Variants in TASOR2 observed in about 807,000 individuals in gnomAD.
TASOR2 encodes protein TASOR 2.
A neutral mutation model predicts 199.5 loss-of-function variants in TASOR2; 84 were observed. That is an observed-to-expected ratio of 0.42 (90% CI 0.35 to 0.50). TASOR2 has a LOEUF of 0.50. TASOR2 is among the 20% of genes least tolerant of loss of function. The pLI is 0.02. For missense variants in TASOR2, 2,796 were observed against 2,835.9 expected (o/e 0.99, Z 0.32); for synonymous variants, 1,103 against 1,046.6 (o/e 1.05, Z -1.04).
chr10:5,747,455 T>C (rs76183460), exon 15 of TASOR2: 1 of 1,613,986 alleles, frequency 6.2e-7, no homozygotes, highest in Non-Finnish European at 8.5e-7. Flanking sequence ...AATGTGTCAG[T>C]ATATCCCTCA....
Position 5,735,298 on chromosome 10 carries a change from CATAAG to C in TASOR2, c.1205-5_1205-1del. 6.2e-7 allele frequency: 1 copy of C among 1,610,720 alleles called. No individual in the cohort carries two copies. The highest frequency in any genetic ancestry group is 1.3e-5 in the African/African-American group (1 of 74,688). ...CCTTACAAAAATGATGTCTTTTCTA[CATAAG>C]GTGCGGAAGTGCTGACTGCACAGTT... On this transcript the variant is annotated splice_acceptor_variant and splice_polypyrimidine_tract_variant and intron_variant, in intron 11 of 20. Coordinates refer to ENST00000328090, the Ensembl canonical transcript of TASOR2. LOFTEE classifies it high-confidence loss of function.
At chr10:5,707,405 G>A (rs1417417068) in intron 1 of TASOR2, among the ~76,000 whole-genome samples, 2 of 152,036 alleles carry the variant, frequency 1.3e-5, no homozygotes, top group African/African-American at 2.4e-5. Flanking sequence ...GTTTCTTTCT[G>A]TTCTGTTCCG....
In TASOR2 at chr10:5,756,876, G is replaced by GT. The variant is rs1467310263; in HGVS notation, c.6732+139dup. 8 of 861,264 alleles carry GT rather than the reference G, an allele frequency of 9.3e-6. No individual in the cohort carries two copies. In the Admixed American group the frequency reaches 1.4e-4, roughly 15 times the overall value. 53.4% of individuals were successfully genotyped at this position (861,264 alleles called of 1,614,324 possible). Reference sequence around the variant, plus strand: ...TTGGGCCTTTAAGTGGGAAGATGGTGTATTATAGAATACTGCAATATTACC... The same window carrying GT: ...TTGGGCCTTTAAGTGGGAAGATGGTGTTATTATAGAATACTGCAATATTACC... On this transcript the variant is annotated intron_variant, in intron 16 of 20. Coordinates refer to ENST00000328090, the Ensembl canonical transcript of TASOR2.
At position 5,748,204 on chromosome 10, in the gene TASOR2, A is replaced by G. The variant is rs1266151714; in HGVS notation, c.4783A>G (p.Thr1595Ala). 1.9e-6 allele frequency: 3 copies of G among 1,614,246 alleles called. No homozygotes were observed. The highest frequency in any genetic ancestry group is 2.2e-5 in the East Asian group (1 of 44,888). The change falls in exon 15 of 21, where the codon ACT (threonine) becomes GCT (alanine). Residue 1595 changes from threonine to alanine, a missense_variant. Around this residue, in one of 3 missense-constraint regions of TASOR2, gnomAD observed 1,941 missense variants for 1,924.9 expected, o/e 1.01. Transcript: ENST00000328090. This position sits in a 1 kb window ranked among gnomAD's most constrained non-coding sequence, Gnocchi z 5.1. The stretch of plus-strand genomic sequence containing the variant: ...TTTGTCTGACACATTGGTTTCCACA[A>G]CTGCACCAAGTGGTATAGTGAATGT...
At position 5,722,420 on chromosome 10, in the gene TASOR2, C is replaced by T. The variant is rs1050964340; in HGVS notation, c.147-1257C>T. ...GCATTGAGCTGAGATCGCGCCACTA[C>T]ACTCCAGCCTGGGCGACAGAGTGAA... is the stretch of plus-strand genomic sequence containing the variant. On this transcript the variant is annotated intron_variant, in intron 6 of 20. Transcript: ENST00000328090. This position sits in a 1 kb window ranked among gnomAD's most constrained non-coding sequence, Gnocchi z 4.0. 2.6e-5 allele frequency among the ~76,000 whole-genome samples: 4 copies of T among 152,104 alleles called. No individual in the cohort carries two copies. The highest frequency in any genetic ancestry group is 9.7e-5 in the African/African-American group (4 of 41,404).
In TASOR2 at chr10:5,738,401, A is replaced by G. The variant is rs1486022373; in HGVS notation, c.1448-1217A>G. ...TTTTGTGTAAGGGATAAGTAGATGGAGGCCATAATATTAACAAAGAATGAA... is the reference window on the plus strand; with the variant it reads ...TTTTGTGTAAGGGATAAGTAGATGGGGGCCATAATATTAACAAAGAATGAA... On this transcript the variant is annotated intron_variant, in intron 12 of 20. Transcript: ENST00000328090. The surrounding 1 kb of genome is among the most constrained non-coding windows in gnomAD (Gnocchi z 4.7). Among the ~76,000 whole-genome samples, 1 of 152,244 alleles carries G rather than the reference A, an allele frequency of 6.6e-6. No individual in the cohort carries two copies. Among genetic ancestry groups the G allele is most frequent in the East Asian group, 1.9e-4 (1 of 5,202 alleles).
intron 16 of TASOR2, 125 bp downstream of exon 17, chr10:5,756,863 G>A: frequency 1.0e-6 from 1 of 990,582 alleles, no homozygotes; most frequent in Non-Finnish European, 1.4e-6. Context: ...GGGCCTTTAA[G>A]TGGGAAGATG....
exon 15 of TASOR2, chr10:5,747,907 C>T (rs1051054476): frequency 1.2e-6 from 2 of 1,613,650 alleles, no homozygotes; most frequent in African/African-American, 2.7e-5. Context: ...ACCAACCCTT[C>T]CTGGTAAAGT....
rs1747443707 is a variant in TASOR2, at chr10:5,751,076, G to C, written c.6606+1049G>C. On this transcript the variant is annotated intron_variant, in intron 15 of 20. Coordinates refer to ENST00000328090, the Ensembl canonical transcript of TASOR2. This position sits in a 1 kb window ranked among gnomAD's most constrained non-coding sequence, Gnocchi z 5.3. ...TACTCAGATATCATGTAGTGCTCTT[G>C]TCAGTGCATTCATTGTATCAGGAGG... Among the ~76,000 whole-genome samples, 1 of 152,330 alleles carries C rather than the reference G, an allele frequency of 6.6e-6. No homozygotes were observed. Among genetic ancestry groups the C allele is most frequent in the South Asian group, 2.1e-4 (1 of 4,830 alleles).
chr10:5,735,554 A>G lies in TASOR2; in HGVS notation c.1447+8A>G, dbSNP rs1835449886. On this transcript the variant is annotated splice_region_variant and intron_variant, in intron 12 of 20. Coordinates refer to ENST00000328090, the Ensembl canonical transcript of TASOR2. ...GAAAGCAGCTACAACCTGGTAAGAA[A>G]TACTCTTCCTATAAATTTAAACACC... 2 of 1,610,598 alleles carry G rather than the reference A, an allele frequency of 1.2e-6. No homozygotes were observed. The highest frequency in any genetic ancestry group is 1.1e-5 in the South Asian group (1 of 90,372).
In TASOR2 at chr10:5,740,409, T is replaced by TGA; in HGVS notation, c.2239_2240insGA (p.Phe747Ter). The TGA allele has an allele frequency of 6.2e-7, 1 of 1,614,214 alleles. No individual in the cohort carries two copies. The highest frequency in any genetic ancestry group is 1.1e-5 in the South Asian group (1 of 91,088). ...CTGTGATGACTCCGTTAAGATCACT[T>TGA]TCAAATGTGAAACAGAATATGCATT... The change falls in exon 13 of 21, where the codon TTC becomes TGATC. Residue 747 changes from phenylalanine to a stop codon, truncating the protein, a stop_gained and frameshift_variant. Transcript: ENST00000328090. LOFTEE classifies it high-confidence loss of function. This position sits in a 1 kb window ranked among gnomAD's most constrained non-coding sequence, Gnocchi z 5.3.
At position 5,742,701 on chromosome 10, in the gene TASOR2, C is replaced by T. The variant is rs958444952; in HGVS notation, c.2757+175C>T. Among the ~76,000 whole-genome samples the T allele has an allele frequency of 6.6e-6, 1 of 152,230 alleles. No individual in the cohort carries two copies. On this transcript the variant is annotated intron_variant, in intron 14 of 20. Transcript: ENST00000328090. This position sits in a 1 kb window ranked among gnomAD's most constrained non-coding sequence, Gnocchi z 4.2. ...TTTTCATGAAGTGTCCTTGAATTGT[C>T]TGCAGGTAGAGCTTACCTGCCATCC...
chr10:5,726,832 A>T, intron 8 of TASOR2, 53 bp from the exon 10 acceptor site: 1 of 1,489,948 alleles, frequency 6.7e-7, no homozygotes, highest in African/African-American at 1.4e-5. Context: ...GTAGAGGGAG[A>T]AGAGAGGGAT....
intron 8 of TASOR2, among the ~76,000 whole-genome samples, chr10:5,725,032 G>A (rs1203787603): frequency 6.6e-6 from 1 of 152,078 alleles, no homozygotes; most frequent in Non-Finnish European, 1.5e-5. Flanking sequence ...TGAGGTAGGT[G>A]GTGCAGGCAT....
rs1424998960 is a variant in TASOR2, at chr10:5,747,521, T to C, written c.4100T>C (p.Val1367Ala). ...AGAAAGGGGGATAATTTACAACCAGTTACTTTAATACTTTCTAAAGAAAAT... is the reference window on the plus strand; with the variant it reads ...AGAAAGGGGGATAATTTACAACCAGCTACTTTAATACTTTCTAAAGAAAAT... The change falls in exon 15 of 21, where the codon GTT becomes GCT. Residue 1367 changes from valine (V) to alanine (A), a missense_variant. This residue lies in a region of TASOR2 where 1,941 missense variants were observed against 1,924.9 expected (regional missense o/e 1.01). Coordinates refer to ENST00000328090, the Ensembl canonical transcript of TASOR2. 4 of 1,614,138 alleles carry C rather than the reference T, an allele frequency of 2.5e-6. No homozygotes were observed. The South Asian group carries it at 3.3e-5, about 13-fold the overall frequency.
rs1264441337 is a variant in TASOR2, at chr10:5,748,324, T to C, written c.4903T>C (p.Ser1635Pro). The change falls in exon 15 of 21, where the codon TCC becomes CCC. Residue 1635 changes from serine (S) to proline (P), a missense_variant. By Grantham distance (74) the Ser-to-Pro change is moderately conservative. Coordinates refer to ENST00000328090, the Ensembl canonical transcript of TASOR2. This position sits in a 1 kb window ranked among gnomAD's most constrained non-coding sequence, Gnocchi z 5.1. ...TGAAGGCATTTATCTGCAGGTGAAGTCCTTGACAGCTGCCTCGGTTGATGG... is the reference window on the plus strand; with the variant it reads ...TGAAGGCATTTATCTGCAGGTGAAGCCCTTGACAGCTGCCTCGGTTGATGG... The C allele has an allele frequency of 1.2e-6, 2 of 1,614,202 alleles. No individual in the cohort carries two copies. The highest frequency in any genetic ancestry group is 2.2e-5 in the South Asian group (2 of 91,084).
In TASOR2 at chr10:5,685,170, G is replaced by A. The variant is rs1835659691; in HGVS notation, c.-293G>A. ...TCCTCGGGGGCGGCGGCCACGCCAA[G>A]GACGGGTAAGTCCCTCCTCGGCCTG... On this transcript the variant is annotated 5_prime_UTR_variant, in exon 1 of 21. Coordinates refer to ENST00000328090, the Ensembl canonical transcript of TASOR2. The surrounding 1 kb of genome is among the most constrained non-coding windows in gnomAD (Gnocchi z 5.4). The A allele has an allele frequency of 2.5e-6, 1 of 398,020 alleles. No individual in the cohort carries two copies. Among genetic ancestry groups the A allele is most frequent in the Non-Finnish European group, 4.4e-6 (1 of 225,652 alleles). 24.7% of individuals were successfully genotyped at this position (398,020 alleles called of 1,614,324 possible).
intron 1 of TASOR2, 43 bp from the exon 2 acceptor site, chr10:5,712,780 G>A: frequency 9.7e-7 from 1 of 1,027,096 alleles, no homozygotes; most frequent in South Asian, 5.0e-5. Context: ...AGACAAAATA[G>A]TATGTTTATA....
rs1396355716 is a variant in TASOR2, at chr10:5,727,911, T to C, written c.487+788T>C. 2.0e-5 allele frequency among the ~76,000 whole-genome samples: 3 copies of C among 152,242 alleles called. No individual in the cohort carries two copies. The East Asian group carries it at 5.8e-4, about 29-fold the overall frequency. On this transcript the variant is annotated intron_variant, in intron 10 of 20. Coordinates refer to ENST00000328090, the Ensembl canonical transcript of TASOR2. ...CCAGGCACCTATAAAATAATAAATA[T>C]TTGCTAAACAAATAAATAAATGAGA...
Sources: gnomAD v4.1 joint callset for allele counts (sites outside exome capture counted in the v4.1 genomes callset) on GRCh38, gnomAD v4.1.1 for gene constraint, gnomAD v4.1.1 regional missense constraint, Gnocchi (gnomAD v3.1) non-coding constraint, MANE v1.5 for transcripts, NCBI Gene and HGNC (gene_info 2026-07-23, HGNC 2026-07-21) for gene names.